ADARB2: variants seen among roughly 807,000 people sequenced by gnomAD.
The protein encoded by ADARB2 is adenosine deaminase RNA specific B2 (inactive).
Under a neutral mutation model 62.2 loss-of-function variants are expected in ADARB2, and 25 were observed. The ratio of observed to expected loss-of-function variants is 0.40; its 90% confidence interval spans 0.29 to 0.56. ADARB2 has a LOEUF of 0.56. ADARB2 is among the 20% of genes least tolerant of loss of function. The pLI, the probability that ADARB2 is intolerant of heterozygous loss-of-function variation, is 0.43. For missense variants in ADARB2, 1,071 were observed against 1,077.4 expected (o/e 0.99, Z 0.08); for synonymous variants, 572 against 500.8 (o/e 1.14, Z -1.90).
chr10:1,210,246 A>G (rs2279781), intron 7 of ADARB2, among the ~76,000 whole-genome samples: 1 of 152,254 alleles, frequency 6.6e-6, no homozygotes, highest in East Asian at 1.9e-4. Context: ...CCTTAATGAT[A>G]CATACAATTC....
chr10:1,214,836 C>T (rs532724808), intron 7 of ADARB2, among the ~76,000 whole-genome samples: 5 of 152,364 alleles, frequency 3.3e-5, no homozygotes, highest in Middle Eastern at 3.4e-3. Flanking sequence ...GGGCTGTTCC[C>T]TTTGATGCAG....
intron 1 of ADARB2, among the ~76,000 whole-genome samples, chr10:1,703,327 T>C (rs1588359096): frequency 6.6e-6 from 1 of 151,904 alleles, no homozygotes; most frequent in African/African-American, 2.4e-5. Context: ...TCTAAGGGAA[T>C]AGAGGATGGG....
At chr10:1,213,379 G>A (rs1043020288) in intron 7 of ADARB2, among the ~76,000 whole-genome samples, 1 of 152,112 alleles carries the variant, frequency 6.6e-6, no homozygotes, top group Admixed American at 6.5e-5. Flanking sequence ...ATGGGGACAA[G>A]GGGAAGCCAA....
chr10:1,726,665 C>T (rs770106489), intron 1 of ADARB2, among the ~76,000 whole-genome samples: 2 of 152,228 alleles, frequency 1.3e-5, no homozygotes, highest in Non-Finnish European at 2.9e-5. Flanking sequence ...ATGAGATAGG[C>T]AGGCAGCACT....
At chr10:1,561,549 G>A (rs925061109) in intron 1 of ADARB2, among the ~76,000 whole-genome samples, 1 of 152,132 alleles carries the variant, frequency 6.6e-6, no homozygotes, top group African/African-American at 2.4e-5. Context: ...GTTCACCCAG[G>A]CTGAGAACCA....
At chr10:1,289,526 C>T (rs961327113) in intron 3 of ADARB2, among the ~76,000 whole-genome samples, 16 of 152,320 alleles carry the variant, frequency 1.1e-4, no homozygotes, top group Admixed American at 5.2e-4. Context: ...TCAGGAAGCC[C>T]GAGTCTGCCA....
At chr10:1,457,982 T>C (rs1002273436) in intron 1 of ADARB2, among the ~76,000 whole-genome samples, 1 of 141,716 alleles carries the variant, frequency 7.1e-6, no homozygotes, top group Non-Finnish European at 1.5e-5. Flanking sequence ...ACCATTTGCC[T>C]CATTGCTTAC....
intron 1 of ADARB2, among the ~76,000 whole-genome samples, chr10:1,537,865 C>T (rs534020992): frequency 8.5e-5 from 13 of 152,192 alleles, no homozygotes; most frequent in Admixed American, 2.0e-4. Flanking sequence ...TAATGCATGC[C>T]GGTCTTAAAA....
At chr10:1,582,798 A>T (rs1198315599) in intron 1 of ADARB2, among the ~76,000 whole-genome samples, 1 of 152,134 alleles carries the variant, frequency 6.6e-6, no homozygotes, top group African/African-American at 2.4e-5. Context: ...AGGAAGATCA[A>T]TGTCAGCCAG....
intron 1 of ADARB2, among the ~76,000 whole-genome samples, chr10:1,715,834 C>T (rs1835010251): frequency 6.6e-6 from 1 of 152,250 alleles, no homozygotes; most frequent in African/African-American, 2.4e-5. Context: ...TCCAACACCG[C>T]TGCTCACCCC....
intron 1 of ADARB2, among the ~76,000 whole-genome samples, chr10:1,451,103 T>C (rs1452176028): frequency 2.6e-5 from 4 of 152,214 alleles, no homozygotes; most frequent in Non-Finnish European, 5.9e-5. Context: ...CTCTGGGAAG[T>C]CCTACAGCAA....
chr10:1,355,471 T>C (rs1248331131), intron 3 of ADARB2, among the ~76,000 whole-genome samples: 1 of 152,218 alleles, frequency 6.6e-6, no homozygotes, highest in African/African-American at 2.4e-5. Context: ...TCAAAAATTT[T>C]AAATGAGCGT....
At chr10:1,201,305 ACTC>A (rs1836981628) in intron 7 of ADARB2, among the ~76,000 whole-genome samples, 1 of 152,246 alleles carries the variant, frequency 6.6e-6, no homozygotes, top group African/African-American at 2.4e-5. Context: ...TCTACATAAA[ACTC>A]AAATGGAATA....
At chr10:1,186,324 C>T (rs1222382635) in intron 8 of ADARB2, among the ~76,000 whole-genome samples, 1 of 152,228 alleles carries the variant, frequency 6.6e-6, no homozygotes, top group Non-Finnish European at 1.5e-5. Context: ...CTGTTTGGCC[C>T]TGTCTCTGCT....
At chr10:1,544,737 A>G (rs1359723488) in intron 1 of ADARB2, among the ~76,000 whole-genome samples, 2 of 152,112 alleles carry the variant, frequency 1.3e-5, no homozygotes, top group African/African-American at 4.8e-5. Context: ...TACACATAAT[A>G]AAGTTTATAT....
intron 1 of ADARB2, among the ~76,000 whole-genome samples, chr10:1,683,453 G>A (rs1834564151): frequency 6.6e-6 from 1 of 152,204 alleles, no homozygotes; most frequent in South Asian, 2.1e-4. Context: ...AGATTTTGCA[G>A]TGATGAAAAG....
chr10:1,340,149 A>G (rs75330975), intron 3 of ADARB2, among the ~76,000 whole-genome samples: 991 of 107,368 alleles, frequency 9.2e-3, no homozygotes, highest in Non-Finnish European at 0.012. Context: ...GGCAATAACC[A>G]GCATCCACCA....
intron 7 of ADARB2, among the ~76,000 whole-genome samples, chr10:1,214,803 A>T (rs560047428): frequency 1.3e-5 from 2 of 152,392 alleles, no homozygotes; most frequent in African/African-American, 4.8e-5. Context: ...TTTCTTTTGA[A>T]GAATGAGCTA....
chr10:1,310,974 C>T lies in ADARB2; in HGVS notation c.1078-39905G>A, dbSNP rs141695050. Among the ~76,000 whole-genome samples the T allele has an allele frequency of 7.8e-3, 1,192 of 152,224 alleles. 7 individuals are homozygous for T. The highest frequency in any genetic ancestry group is 0.027 in the Middle Eastern group (8 of 294). On this transcript the variant is annotated intron_variant, in intron 3 of 9. Transcript: ENST00000381312. ...TGTGTTTTGGAGTAAATGTGGATTT[C>T]GATTATTCACATGATGTTGCCACTG...
Sources: allele counts gnomAD v4.1 joint callset (sites outside exome capture counted in the v4.1 genomes callset), GRCh38; gene constraint gnomAD v4.1.1; transcripts MANE v1.5; gene names NCBI Gene and HGNC (gene_info 2026-07-23, HGNC 2026-07-21).